The following TMCC1 variants were observed in gnomAD, a reference collection of about 807,000 sequenced individuals.
The protein encoded by TMCC1 is transmembrane and coiled-coil domains protein 1.
TMCC1 carries 15 observed loss-of-function variants against 52.4 expected under a neutral mutation model. The observed-to-expected ratio is 0.29, with a 90% CI of 0.19 to 0.44. The LOEUF (loss-of-function observed/expected upper bound fraction) is 0.44, where lower values mean the gene tolerates loss of function less well. Among genes scored for constraint, TMCC1 ranks in the 20% least tolerant of loss-of-function variants. TMCC1 has a pLI of 1.00. For missense variants in TMCC1, 503 were observed against 806.0 expected, an observed-to-expected ratio of 0.62 and a Z score of 4.55; for synonymous variants, 279 against 301.9, an observed-to-expected ratio of 0.92 and a Z score of 0.79.
intron 5 of TMCC1, among the ~76,000 whole-genome samples, chr3:129,658,033 A>G (rs533808848): frequency 2.6e-5 from 4 of 152,356 alleles, no homozygotes; most frequent in South Asian, 4.1e-4. Flanking sequence ...GTACAACAAT[A>G]TATCATCTTG....
chr3:129,797,986 CTTT>C (rs11417298), intron 4 of TMCC1, among the ~76,000 whole-genome samples: 3 of 136,662 alleles, frequency 2.2e-5, no homozygotes, highest in South Asian at 2.3e-4. Context: ...AGTTGTGTGC[CTTT>C]TTTTTTTTTT....
intron 4 of TMCC1, among the ~76,000 whole-genome samples, chr3:129,732,739 G>A (rs2050640034): frequency 1.3e-5 from 2 of 152,146 alleles, no homozygotes; most frequent in Non-Finnish European, 1.5e-5. Flanking sequence ...CCACTGATCT[G>A]AGAATGGTTC....
At position 129,760,972 on chromosome 3, in the gene TMCC1, G is replaced by A. The variant is rs148970585; in HGVS notation, c.576+66831C>T. On this transcript the variant is annotated intron_variant, in intron 4 of 6. Coordinates refer to ENST00000393238, the MANE Select transcript of TMCC1 (RefSeq NM_001017395.5). The stretch of plus-strand genomic sequence containing the variant: ...CATTCTTTGTGTTGTACAGTTCTAC[G>A]GGTTTTGATGCATGCACACGCATCC... Among the ~76,000 whole-genome samples, 928 of 152,076 alleles carry A rather than the reference G, an allele frequency of 6.1e-3. 1 individual carries two copies. Among genetic ancestry groups the A allele is most frequent in the Middle Eastern group, 0.027 (8 of 294 alleles).
At chr3:129,783,223 CT>C (rs938108451) in intron 4 of TMCC1, among the ~76,000 whole-genome samples, 10 of 152,214 alleles carry the variant, frequency 6.6e-5, no homozygotes, top group African/African-American at 2.4e-4. Flanking sequence ...GTATCAGATC[CT>C]TATTAGTCTC....
At chr3:129,886,584 GAAGT>G (rs1199522723) in intron 1 of TMCC1, among the ~76,000 whole-genome samples, 1 of 152,142 alleles carries the variant, frequency 6.6e-6, no homozygotes, top group Non-Finnish European at 1.5e-5. Context: ...AGAAAGGAAT[GAAGT>G]ACTGATACTT....
At chr3:129,822,304 G>A (rs1053889790) in intron 4 of TMCC1, among the ~76,000 whole-genome samples, 1 of 152,108 alleles carries the variant, frequency 6.6e-6, no homozygotes, top group African/African-American at 2.4e-5. Flanking sequence ...ACCAGGCATG[G>A]TGGCACATGC....
intron 4 of TMCC1, among the ~76,000 whole-genome samples, chr3:129,770,723 C>T (rs1297203552): frequency 6.6e-6 from 1 of 152,172 alleles, no homozygotes; most frequent in Admixed American, 6.5e-5. Context: ...AATTCTAAAA[C>T]ATCATCCATT....
intron 4 of TMCC1, among the ~76,000 whole-genome samples, chr3:129,722,312 T>C (rs1216949467): frequency 6.6e-6 from 1 of 152,126 alleles, no homozygotes; most frequent in Non-Finnish European, 1.5e-5. Flanking sequence ...GGGATCTAGG[T>C]TGCATGCTCC....
intron 2 of TMCC1, among the ~76,000 whole-genome samples, chr3:129,866,442 A>C (rs2060655147): frequency 1.4e-5 from 2 of 144,428 alleles, no homozygotes; most frequent in African/African-American, 2.6e-5. Flanking sequence ...CAATGGCTCG[A>C]TCTCAGCTCA....
At chr3:129,811,581 G>A (rs1246804470) in intron 4 of TMCC1, among the ~76,000 whole-genome samples, 8 of 152,114 alleles carry the variant, frequency 5.3e-5, no homozygotes, top group Admixed American at 5.2e-4. Flanking sequence ...TGAGAAAAGT[G>A]ATCCTGAGAT....
intron 4 of TMCC1, among the ~76,000 whole-genome samples, chr3:129,782,054 A>C (rs115204127): frequency 0.01 from 1,582 of 152,250 alleles, 60 homozygotes; most frequent in Admixed American, 0.064. Flanking sequence ...AGGGAGGAGA[A>C]ATGATACCAA....
At chr3:129,686,955 A>C (rs1230316476) in intron 4 of TMCC1, among the ~76,000 whole-genome samples, 1 of 152,252 alleles carries the variant, frequency 6.6e-6, no homozygotes, top group East Asian at 1.9e-4. Context: ...CAATTCAAAA[A>C]GAGAAAAATA....
chr3:129,723,588 CACTT>C (rs1329435275), intron 4 of TMCC1, among the ~76,000 whole-genome samples: 8 of 152,174 alleles, frequency 5.3e-5, no homozygotes, highest in South Asian at 2.1e-4. Flanking sequence ...GTGAGGATGA[CACTT>C]ACTCTGCAAT....
At chr3:129,658,223 G>A (rs1159395763) in intron 5 of TMCC1, among the ~76,000 whole-genome samples, 3 of 152,152 alleles carry the variant, frequency 2.0e-5, no homozygotes, top group African/African-American at 7.2e-5. Context: ...TGCATATGAA[G>A]ATCCCGAGCC....
chr3:129,838,415 TAAAAG>T (rs1175983488), intron 2 of TMCC1, among the ~76,000 whole-genome samples: 1 of 146,704 alleles, frequency 6.8e-6, no homozygotes, highest in Non-Finnish European at 1.5e-5. Context: ...TCTCAAAAAA[TAAAAG>T]AAAAAGAAAA....
intron 4 of TMCC1, among the ~76,000 whole-genome samples, chr3:129,745,545 T>C (rs963452655): frequency 3.9e-5 from 6 of 152,204 alleles, no homozygotes; most frequent in African/African-American, 1.4e-4. Flanking sequence ...TGCCAGACAT[T>C]CTGGATCCTA....
intron 5 of TMCC1, among the ~76,000 whole-genome samples, chr3:129,661,599 A>C (rs925903780): frequency 1.3e-5 from 2 of 152,174 alleles, no homozygotes; most frequent in African/African-American, 4.8e-5. Context: ...CAGGAGTTTC[A>C]GACCAGCTTG....
chr3:129,890,460 TATC>T (rs1299572471), intron 1 of TMCC1, among the ~76,000 whole-genome samples: 3 of 152,268 alleles, frequency 2.0e-5, no homozygotes, highest in Admixed American at 1.3e-4. Flanking sequence ...GTTTACTGAC[TATC>T]TTAAGTGCCG....
rs1052582741 is a variant in TMCC1, at chr3:129,706,118, T to C, written c.577-34854A>G. Among the ~76,000 whole-genome samples, 15 of 149,622 alleles carry C rather than the reference T, an allele frequency of 1.0e-4. No individual in the cohort carries two copies. In the East Asian group the frequency reaches 3.0e-3, roughly 30 times the overall value. On this transcript the variant is annotated intron_variant, in intron 4 of 6. Transcript: ENST00000393238. ...GTTGGCCAGGCTGGTCTTGAACTCTTGACCTCAAGTGATCCACCCACCTCG... is the reference window on the plus strand; with the variant it reads ...GTTGGCCAGGCTGGTCTTGAACTCTCGACCTCAAGTGATCCACCCACCTCG...
Sources: allele counts gnomAD v4.1 joint callset (sites outside exome capture counted in the v4.1 genomes callset), GRCh38; gene constraint gnomAD v4.1.1; transcripts MANE v1.5; gene names NCBI Gene and HGNC (gene_info 2026-07-23, HGNC 2026-07-21).